The following PARVA variants were observed in gnomAD, a reference collection of about 807,000 sequenced individuals.
PARVA encodes the protein alpha-parvin.
A neutral mutation model predicts 52.6 loss-of-function variants in PARVA; 25 were observed. The ratio of observed to expected loss-of-function variants is 0.48; its 90% CI spans 0.35 to 0.66. The LOEUF is 0.66. PARVA is among the 30% of genes least tolerant of loss of function. The pLI, the probability that PARVA is intolerant of heterozygous loss-of-function variation, is 0.01. For missense variants in PARVA, 373 were observed against 450.9 expected, an observed-to-expected ratio of 0.83 and a Z score of 1.56; for synonymous variants, 185 against 179.1, an observed-to-expected ratio of 1.03 and a Z score of -0.26.
intron 1 of PARVA, among the ~76,000 whole-genome samples, chr11:12,384,087 C>G (rs1939536485): frequency 6.6e-6 from 1 of 152,204 alleles, no homozygotes; most frequent in Admixed American, 6.5e-5. Flanking sequence ...TCCCTTCTCT[C>G]CTTGCTCATA....
At chr11:12,378,778 C>T (rs1191708481) in intron 1 of PARVA, among the ~76,000 whole-genome samples, 1 of 152,002 alleles carries the variant, frequency 6.6e-6, no homozygotes, top group East Asian at 1.9e-4. Flanking sequence ...GTACATAGTT[C>T]TGGGGCACAT....
At chr11:12,474,555 A>G (rs1940980009) in intron 3 of PARVA, among the ~76,000 whole-genome samples, 1 of 152,106 alleles carries the variant, frequency 6.6e-6, no homozygotes, top group Admixed American at 6.5e-5. Context: ...TGCACTTAAG[A>G]CAAAAGGCAC....
chr11:12,429,473 G>A (rs953147728), intron 1 of PARVA, among the ~76,000 whole-genome samples: 6 of 152,204 alleles, frequency 3.9e-5, no homozygotes, highest in East Asian at 1.9e-4. Context: ...TATAAAGGAT[G>A]TATAGCACAC....
At chr11:12,392,240 T>C (rs563596769) in intron 1 of PARVA, among the ~76,000 whole-genome samples, 2 of 152,152 alleles carry the variant, frequency 1.3e-5, no homozygotes, top group South Asian at 4.1e-4. Context: ...TTCATCTATG[T>C]TGTAGCATGT....
In PARVA at chr11:12,508,656, A is replaced by G; in HGVS notation, c.716+14A>G. 1.9e-6 allele frequency: 3 copies of G among 1,579,294 alleles called. No individual in the cohort carries two copies. Among genetic ancestry groups the G allele is most frequent in the Non-Finnish European group, 2.6e-6 (3 of 1,151,592 alleles). On this transcript the variant is annotated intron_variant, in intron 7 of 12. Transcript: ENST00000334956. Reference sequence around the variant, plus strand: ...TGGTAACACAGAGTATGTCAACACCATTGTTGCCAGCGATTCTGTAATGGA... The same window carrying G: ...TGGTAACACAGAGTATGTCAACACCGTTGTTGCCAGCGATTCTGTAATGGA...
chr11:12,517,631 G>A lies in PARVA; in HGVS notation c.889G>A (p.Val297Met), dbSNP rs1261179701. 6.2e-6 allele frequency: 10 copies of A among 1,601,104 alleles called. No homozygotes were observed. Among genetic ancestry groups the A allele is most frequent in the Non-Finnish European group, 8.5e-6 (10 of 1,173,650 alleles). Residue 297 changes from valine to methionine, a missense_variant, in exon 11 of 13, where the codon GTG (valine) becomes ATG (methionine). By Grantham distance (21) the Val-to-Met change is conservative. Transcript: ENST00000334956. The part of the protein sequence containing the change: ...ETQFADGVYL[V>M]LLMGLLEGYF... ...CCAGTTTGCAGATGGGGTGTACCTG[G>A]TGCTGCTCATGGGGCTCCTGGAGGG... is the stretch of plus-strand genomic sequence containing the variant.
intron 1 of PARVA, among the ~76,000 whole-genome samples, chr11:12,388,650 A>G (rs761894161): frequency 2.5e-4 from 38 of 152,302 alleles, no homozygotes; most frequent in East Asian, 3.9e-4. Flanking sequence ...GGCAATTGCT[A>G]TTAGCGTTTT....
chr11:12,440,097 G>A (rs943607989), intron 1 of PARVA, among the ~76,000 whole-genome samples: 2 of 152,156 alleles, frequency 1.3e-5, no homozygotes, highest in African/African-American at 4.8e-5. Flanking sequence ...GTTTATTGCT[G>A]TATCCCCAGC....
chr11:12,400,969 T>C (rs1002285639), intron 1 of PARVA, among the ~76,000 whole-genome samples: 12 of 152,290 alleles, frequency 7.9e-5, no homozygotes, highest in African/African-American at 2.9e-4. Context: ...GACCTGTATT[T>C]CCCTTGAAGA....
chr11:12,486,800 C>T (rs1479292813), intron 4 of PARVA, among the ~76,000 whole-genome samples: 5 of 152,082 alleles, frequency 3.3e-5, no homozygotes, highest in South Asian at 2.1e-4. Flanking sequence ...GAGCTGAGAT[C>T]GTACCACTGC....
chr11:12,528,226 A>G lies in PARVA; in HGVS notation c.*301A>G, dbSNP rs1941728162. On this transcript the variant is annotated 3_prime_UTR_variant, in exon 13 of 13. Transcript: ENST00000334956. ...ATTTGGGAACCAGCTTAGGCAAAAG[A>G]GTCCCCACAAGATGAAAATAAAGAT... 2 of 442,170 alleles carry G rather than the reference A, an allele frequency of 4.5e-6. No homozygotes were observed. Among genetic ancestry groups the G allele is most frequent in the Non-Finnish European group, 8.2e-6 (2 of 243,340 alleles). The allele number at this position is 442,170 out of a possible 1,614,324, so 27.4% of individuals were successfully genotyped here. A position where few individuals can be genotyped will look rare whatever the true frequency, so the allele number is the denominator to read the frequency against.
chr11:12,432,637 T>A (rs1468048086), intron 1 of PARVA, among the ~76,000 whole-genome samples: 1 of 152,236 alleles, frequency 6.6e-6, no homozygotes, highest in African/African-American at 2.4e-5. Flanking sequence ...AAATAACTGC[T>A]TATCTGGGCC....
chr11:12,421,645 C>T (rs907009120), intron 1 of PARVA, among the ~76,000 whole-genome samples: 1 of 152,172 alleles, frequency 6.6e-6, no homozygotes, highest in Non-Finnish European at 1.5e-5. Flanking sequence ...CATGGGCTGT[C>T]ACAAACCAGG....
In PARVA at chr11:12,528,048, G is replaced by A; in HGVS notation, c.*123G>A. 1 of 745,336 alleles carries A rather than the reference G, an allele frequency of 1.3e-6. No individual in the cohort carries two copies. The highest frequency in any genetic ancestry group is 1.5e-5 in the South Asian group (1 of 66,692). 46.2% of individuals were successfully genotyped at this position (745,336 alleles called of 1,614,324 possible). On this transcript the variant is annotated 3_prime_UTR_variant, in exon 13 of 13. Coordinates refer to ENST00000334956, the MANE Select transcript of PARVA (RefSeq NM_018222.5). ...ACTGTGCTCTCCCACAAGTCCAGCTGCAACCCAGAGATAGTGGAAACTGAA... is the reference window on the plus strand; with the variant it reads ...ACTGTGCTCTCCCACAAGTCCAGCTACAACCCAGAGATAGTGGAAACTGAA...
intron 1 of PARVA, 52 bp from the exon 2 acceptor site, chr11:12,473,693 C>G (rs777722152): frequency 6.6e-5 from 91 of 1,368,640 alleles, no homozygotes; most frequent in East Asian, 2.5e-5. Context: ...AGAGCTCCAA[C>G]CCCCTGCCGT....
chr11:12,533,670 A>G lies in PARVA; in HGVS notation c.*5745A>G, dbSNP rs933182397. Among the ~76,000 whole-genome samples the G allele has an allele frequency of 3.3e-5, 5 of 152,194 alleles. No individual in the cohort carries two copies. Among genetic ancestry groups the G allele is most frequent in the African/African-American group, 7.2e-5 (3 of 41,440 alleles). The stretch of plus-strand genomic sequence containing the variant: ...ATAGCTAGTATGTTATGTGCATTAT[A>G]TACTATATCCTTACCATACGGTAAG... On this transcript the variant is annotated 3_prime_UTR_variant, in exon 13 of 13. Transcript: ENST00000334956.
In PARVA at chr11:12,377,763, G is replaced by C; in HGVS notation, c.116G>C (p.Arg39Pro). The change falls in exon 1 of 13, where the codon CGG becomes CCG. Residue 39 changes from arginine to proline, a missense_variant. Transcript: ENST00000334956. ...FLGKLGGTLARRKKAKEVSEL... is the reference protein window; with the variant it reads ...FLGKLGGTLAPRKKAKEVSEL... The stretch of plus-strand genomic sequence containing the variant: ...GGGAAACTCGGAGGGACCCTGGCCC[G>C]GAGGAAGAAAGCCAAGGAGGGTGAG... 1 of 1,524,616 alleles carries C rather than the reference G, an allele frequency of 6.6e-7. No homozygotes were observed. Among genetic ancestry groups the C allele is most frequent in the Non-Finnish European group, 8.8e-7 (1 of 1,140,608 alleles). The allele number at this position is 1,524,616 out of a possible 1,614,324, so 94.4% of individuals were successfully genotyped here.
At chr11:12,438,773 T>A (rs1366871654) in intron 1 of PARVA, among the ~76,000 whole-genome samples, 2 of 152,194 alleles carry the variant, frequency 1.3e-5, no homozygotes, top group African/African-American at 2.4e-5. Context: ...GGAGGTTTAG[T>A]TATTTGCCCA....
At chr11:12,486,439 A>G (rs1249697350) in intron 4 of PARVA, among the ~76,000 whole-genome samples, 2 of 152,164 alleles carry the variant, frequency 1.3e-5, no homozygotes, top group Non-Finnish European at 2.9e-5. Context: ...AGGCTGAGGC[A>G]GGAGAATCGC....
Sources: gnomAD v4.1 joint callset for allele counts (sites outside exome capture counted in the v4.1 genomes callset) on GRCh38, gnomAD v4.1.1 for gene constraint, MANE v1.5 for transcripts, NCBI Gene and HGNC (gene_info 2026-07-23, HGNC 2026-07-21) for gene names.